Variants in TUBB2A observed in about 807,000 individuals in gnomAD.
TUBB2A encodes the protein tubulin beta-2A chain.
A neutral mutation model predicts 33.9 loss-of-function variants in TUBB2A; 7 were observed. That is an observed-to-expected ratio of 0.21 (90% CI 0.12 to 0.39). The LOEUF is 0.39. Ranked by LOEUF, TUBB2A falls within the 10% of genes least tolerant of loss-of-function variation. TUBB2A has a pLI of 1.00. For missense variants in TUBB2A, 80 were observed against 593.4 expected (o/e 0.13, Z 8.99); for synonymous variants, 187 against 247.6 (o/e 0.76, Z 2.30).
In TUBB2A at chr6:3,157,278, CG is replaced by C. The variant is rs1762653411; in HGVS notation, c.57+128del. On this transcript the variant is annotated intron_variant, in intron 1 of 3. Transcript: ENST00000333628. ...GCGGGTCATGCAGCCTCCCGGACCCCGCCCGGCGGCCTCGCCGCGGAATGTG... is the reference window on the plus strand; with the variant it reads ...GCGGGTCATGCAGCCTCCCGGACCCCCCCGGCGGCCTCGCCGCGGAATGTG... 3 of 1,111,140 alleles carry C rather than the reference CG, an allele frequency of 2.7e-6. No individual in the cohort carries two copies. In the African/African-American group the frequency reaches 5.0e-5, roughly 18 times the overall value. The allele number at this position is 1,111,140 out of a possible 1,614,324, so 68.8% of individuals were successfully genotyped here. A position where few individuals can be genotyped will look rare whatever the true frequency, so the allele number is the denominator to read the frequency against.
Position 3,157,537 on chromosome 6 carries a change from A to T in TUBB2A, c.-74T>A, listed in dbSNP as rs992431203. ...CGTGGACCGGCGGGCTGGGCTGCGC[A>T]GAGACCTGCCGCCGCCCCCCCAGCT... On this transcript the variant is annotated 5_prime_UTR_variant, in exon 1 of 4. Transcript: ENST00000333628. 9 of 1,384,566 alleles carry T rather than the reference A, an allele frequency of 6.5e-6. No homozygotes were observed. Among genetic ancestry groups the T allele is most frequent in the Non-Finnish European group, 8.4e-6 (9 of 1,073,682 alleles). 85.8% of individuals were successfully genotyped at this position (1,384,566 alleles called of 1,614,324 possible).
In TUBB2A at chr6:3,155,226, A is replaced by G. The variant is rs1762612496; in HGVS notation, c.278-303T>C. On this transcript the variant is annotated intron_variant, in intron 3 of 3. Coordinates refer to ENST00000333628, the MANE Select transcript of TUBB2A (RefSeq NM_001069.3). The surrounding 1 kb of genome is among the most constrained non-coding windows in gnomAD (Gnocchi z 4.2). ...TTAAGAGGCATTCTCTTTATACTCA[A>G]CTACAATTAAACAGGCAAGGTGAAG... Among the ~76,000 whole-genome samples the G allele has an allele frequency of 6.6e-6, 1 of 152,212 alleles. No individual in the cohort carries two copies. Among genetic ancestry groups the G allele is most frequent in the Non-Finnish European group, 1.5e-5 (1 of 68,038 alleles).
chr6:3,155,779 A>C lies in TUBB2A; in HGVS notation c.167-44T>G, dbSNP rs1157959039. The C allele has an allele frequency of 1.3e-6, 2 of 1,510,730 alleles. No homozygotes were observed. The highest frequency in any genetic ancestry group is 2.8e-5 in the African/African-American group (2 of 72,454). 93.6% of individuals were successfully genotyped at this position (1,510,730 alleles called of 1,614,324 possible). A position where few individuals can be genotyped will look rare whatever the true frequency, so the allele number is the denominator to read the frequency against. ...GACTCAGGCCTGTGCTTGGGGAGGG[A>C]CTCACAGCAGCATTCAATTCCAGCA... On this transcript the variant is annotated intron_variant, in intron 2 of 3. Coordinates refer to ENST00000333628, the MANE Select transcript of TUBB2A (RefSeq NM_001069.3). This position sits in a 1 kb window ranked among gnomAD's most constrained non-coding sequence, Gnocchi z 4.2.
At position 3,155,563 on chromosome 6, in the gene TUBB2A, T is replaced by C. The variant is rs557181749; in HGVS notation, c.277+62A>G. The C allele has an allele frequency of 1.2e-4, 155 of 1,332,846 alleles. No homozygotes were observed. In the Middle Eastern group the frequency reaches 1.6e-3, roughly 14 times the overall value. 82.6% of individuals were successfully genotyped at this position (1,332,846 alleles called of 1,614,324 possible). A position where few individuals can be genotyped will look rare whatever the true frequency, so the allele number is the denominator to read the frequency against. ...GCACTGAACACTAAGAACTGTGCTT[T>C]GCAGGGCTGTTAGGAAGAAGGTGTG... is the stretch of plus-strand genomic sequence containing the variant. On this transcript the variant is annotated intron_variant, in intron 3 of 3. Transcript: ENST00000333628. This position sits in a 1 kb window ranked among gnomAD's most constrained non-coding sequence, Gnocchi z 4.2.
chr6:3,155,251 G>A lies in TUBB2A; in HGVS notation c.278-328C>T, dbSNP rs539767173. Among the ~76,000 whole-genome samples the A allele has an allele frequency of 2.3e-4, 35 of 152,370 alleles. No individual in the cohort carries two copies. The highest frequency in any genetic ancestry group is 3.4e-3 in the Middle Eastern group (1 of 294). On this transcript the variant is annotated intron_variant, in intron 3 of 3. Coordinates refer to ENST00000333628, the MANE Select transcript of TUBB2A (RefSeq NM_001069.3). This position sits in a 1 kb window ranked among gnomAD's most constrained non-coding sequence, Gnocchi z 4.2. ...ACTACAATTAAACAGGCAAGGTGAA[G>A]GCAGTGTGACCAGCAGAGAAGGTGG...
Position 3,153,765 on chromosome 6 carries a change from AAC to A in TUBB2A, c.*96_*97del, listed in dbSNP as rs1762585579. On this transcript the variant is annotated 3_prime_UTR_variant, in exon 4 of 4. Coordinates refer to ENST00000333628, the MANE Select transcript of TUBB2A (RefSeq NM_001069.3). ...CATTACATCAACAGTGTGAATTTCT[AAC>A]AGAGGCAAAACTGAGCACCATAGTT... 6.4e-7 allele frequency: 1 copy of A among 1,555,574 alleles called. No homozygotes were observed. Among genetic ancestry groups the A allele is most frequent in the East Asian group, 2.3e-5 (1 of 43,914 alleles).
At chr6:3,156,967 A>C (rs904636696) in intron 1 of TUBB2A, among the ~76,000 whole-genome samples, 1 of 152,258 alleles carries the variant, frequency 6.6e-6, no homozygotes, top group Non-Finnish European at 1.5e-5. Flanking sequence ...GTGCCCGAGC[A>C]AGGGAATTTA....
Position 3,153,718 on chromosome 6 carries a change from A to T in TUBB2A, c.*145T>A. On this transcript the variant is annotated 3_prime_UTR_variant, in exon 4 of 4. Transcript: ENST00000333628. The stretch of plus-strand genomic sequence containing the variant: ...TAGATACCTTCACAGACAATACTGT[A>T]ATTTTTAGAGGAGTTCCACATCATT... 1 of 1,292,268 alleles carries T rather than the reference A, an allele frequency of 7.7e-7. No individual in the cohort carries two copies. Among genetic ancestry groups the T allele is most frequent in the Non-Finnish European group, 1.1e-6 (1 of 941,294 alleles). 80.1% of individuals were successfully genotyped at this position (1,292,268 alleles called of 1,614,324 possible).
chr6:3,154,784 C>G lies in TUBB2A; in HGVS notation c.417G>C (p.Leu139=). The change falls in exon 4 of 4, where the codon CTG becomes CTC. Residue 139 remains leucine (L), a synonymous_variant. Transcript: ENST00000333628. Reference sequence around the variant, plus strand: ...CCATCCCGGACCCCGTGCCGCCCCCCAGAGAGTGGGTCAGCTGGAAGCCCT... The same window carrying G: ...CCATCCCGGACCCCGTGCCGCCCCCGAGAGAGTGGGTCAGCTGGAAGCCCT... ...CLQGFQLTHS[L]GGGTGSGMGT... is the part of the protein sequence containing the mutation. 1 of 1,609,708 alleles carries G rather than the reference C, an allele frequency of 6.2e-7. No homozygotes were observed. Among genetic ancestry groups the G allele is most frequent in the Admixed American group, 1.7e-5 (1 of 59,810 alleles).
rs913523574 is a variant in TUBB2A at position 3,155,194 on chromosome 6, T to A, written c.278-271A>T. 1 of 872,608 alleles carries A rather than the reference T, an allele frequency of 1.1e-6. No homozygotes were observed. The highest frequency in any genetic ancestry group is 1.7e-5 in the African/African-American group (1 of 58,834). 54.1% of individuals were successfully genotyped at this position (872,608 alleles called of 1,614,324 possible). Reference sequence around the variant, plus strand: ...AAAACTTAATTGGTTCTGAAATACATACATTTTTAAGAGGCATTCTCTTTA... The same window carrying A: ...AAAACTTAATTGGTTCTGAAATACAAACATTTTTAAGAGGCATTCTCTTTA... On this transcript the variant is annotated intron_variant, in intron 3 of 3. Transcript: ENST00000333628. This position sits in a 1 kb window ranked among gnomAD's most constrained non-coding sequence, Gnocchi z 4.2.
At chr6:3,157,205 A>AG (rs1198370372) in intron 1 of TUBB2A, among the ~76,000 whole-genome samples, 3 of 152,226 alleles carry the variant, frequency 2.0e-5, no homozygotes, top group African/African-American at 4.8e-5. Flanking sequence ...GGAAATCGAA[A>AG]GGCCCCCGAT....
chr6:3,156,176 C>T (rs764853111), intron 1 of TUBB2A, 24 bp from the exon 2 acceptor site: 1 of 1,613,450 alleles, frequency 6.2e-7, no homozygotes, highest in African/African-American at 1.3e-5. Context: ...AGAACCACAC[C>T]ATGGCTCTGC....
Position 3,155,379 on chromosome 6 carries a change from T to A in TUBB2A, c.277+246A>T, listed in dbSNP as rs961315388. Among the ~76,000 whole-genome samples the A allele has an allele frequency of 6.6e-6, 1 of 152,162 alleles. No individual in the cohort carries two copies. The highest frequency in any genetic ancestry group is 2.4e-5 in the African/African-American group (1 of 41,436). On this transcript the variant is annotated intron_variant, in intron 3 of 3. Coordinates refer to ENST00000333628, the MANE Select transcript of TUBB2A (RefSeq NM_001069.3). This position sits in a 1 kb window ranked among gnomAD's most constrained non-coding sequence, Gnocchi z 4.2. ...AGCCTATGAAGCCTGGCTTGAAGCT[T>A]TTCCTTGCTCTTTCTTCCTTCCAGT... is the stretch of plus-strand genomic sequence containing the variant.
Position 3,154,054 on chromosome 6 carries a change from C to G in TUBB2A, c.1147G>C (p.Glu383Gln). 6.4e-7 allele frequency: 1 copy of G among 1,559,888 alleles called. No homozygotes were observed. The highest frequency in any genetic ancestry group is 8.7e-7 in the Non-Finnish European group (1 of 1,152,618). ...AIQELFKRIS[E>Q]QFTAMFRRKA... ...CGCCGGAACATGGCCGTGAACTGCT[C>G]GGAGATGCGCTTGAACAGCTCCTGG... The change falls in exon 4 of 4, where the codon GAG becomes CAG. Residue 383 changes from glutamate (E) to glutamine (Q), a missense_variant. Physicochemically the swap from Glu to Gln is conservative, Grantham distance 29 (BLOSUM62 2). Coordinates refer to ENST00000333628, the MANE Select transcript of TUBB2A (RefSeq NM_001069.3).
intron 1 of TUBB2A, among the ~76,000 whole-genome samples, 194 bp downstream of exon 1, chr6:3,157,213 G>A (rs1431944937): frequency 1.3e-5 from 2 of 152,210 alleles, no homozygotes; most frequent in Non-Finnish European, 2.9e-5. Flanking sequence ...AAAGGCCCCC[G>A]ATTAAACGCA....
In TUBB2A at chr6:3,153,763, C is replaced by CT; in HGVS notation, c.*99dup. ...ATCATTACATCAACAGTGTGAATTT[C>CT]TAACAGAGGCAAAACTGAGCACCAT... On this transcript the variant is annotated 3_prime_UTR_variant, in exon 4 of 4. Coordinates refer to ENST00000333628, the MANE Select transcript of TUBB2A (RefSeq NM_001069.3). 6.4e-7 allele frequency: 1 copy of CT among 1,551,732 alleles called. No individual in the cohort carries two copies. Among genetic ancestry groups the CT allele is most frequent in the Non-Finnish European group, 8.8e-7 (1 of 1,142,770 alleles).
chr6:3,157,524 G>C lies in TUBB2A; in HGVS notation c.-61C>G. ...GAGCGGTGCGCGGCGTGGACCGGCG[G>C]GCTGGGCTGCGCAGAGACCTGCCGC... is the stretch of plus-strand genomic sequence containing the variant. On this transcript the variant is annotated 5_prime_UTR_variant, in exon 1 of 4. Transcript: ENST00000333628. 2 of 1,426,234 alleles carry C rather than the reference G, an allele frequency of 1.4e-6. No homozygotes were observed. 88.3% of individuals were successfully genotyped at this position (1,426,234 alleles called of 1,614,324 possible).
In TUBB2A at chr6:3,155,625, C is replaced by T. The variant is rs752234456; in HGVS notation, c.277G>A (p.Gly93Ser). ...GTTCCCAGTGATCATGACTACATAC[C>T]GAACACGAAGTTGTCTGGTCTGAAG... ...QIFRPDNFVF[G>S]QSGAGNNWAK... The change falls in exon 3 of 4, where the codon GGC (glycine) becomes AGC (serine). Residue 93 changes from glycine to serine, a missense_variant and splice_region_variant. Around this residue, in one of 5 missense-constraint regions of TUBB2A, gnomAD observed 27 missense variants for 165.8 expected, o/e 0.16. Coordinates refer to ENST00000333628, the MANE Select transcript of TUBB2A (RefSeq NM_001069.3). This position sits in a 1 kb window ranked among gnomAD's most constrained non-coding sequence, Gnocchi z 4.2. 2 of 1,610,956 alleles carry T rather than the reference C, an allele frequency of 1.2e-6. No homozygotes were observed. Among genetic ancestry groups the T allele is most frequent in the African/African-American group, 1.3e-5 (1 of 74,910 alleles).
Position 3,155,910 on chromosome 6 carries a change from A to G in TUBB2A, c.166+134T>C, listed in dbSNP as rs1317970775. On this transcript the variant is annotated intron_variant, in intron 2 of 3. Transcript: ENST00000333628. The surrounding 1 kb of genome is among the most constrained non-coding windows in gnomAD (Gnocchi z 4.2). Reference sequence around the variant, plus strand: ...CAGGAATCTTAGGAAACCATAAAACATGTTTTTCCAGCAGTTGGCATTTGA... The same window carrying G: ...CAGGAATCTTAGGAAACCATAAAACGTGTTTTTCCAGCAGTTGGCATTTGA... The G allele has an allele frequency of 2.7e-6, 4 of 1,473,322 alleles. No individual in the cohort carries two copies. In the African/African-American group the frequency reaches 4.3e-5, roughly 16 times the overall value. The allele number at this position is 1,473,322 out of a possible 1,614,324, so 91.3% of individuals were successfully genotyped here.
Sources: allele counts gnomAD v4.1 joint callset (sites outside exome capture counted in the v4.1 genomes callset), GRCh38; gene constraint gnomAD v4.1.1; regional missense constraint gnomAD v4.1.1; non-coding constraint Gnocchi (gnomAD v3.1); transcripts MANE v1.5; gene names NCBI Gene and HGNC (gene_info 2026-07-23, HGNC 2026-07-21).